DDX10: variants seen among roughly 807,000 people sequenced by gnomAD.
DDX10 encodes the protein DEAD-box helicase 10.
A neutral mutation model predicts 104.3 loss-of-function variants in DDX10; 74 were observed. The observed-to-expected ratio is 0.71, with a 90% CI of 0.59 to 0.86. The LOEUF is 0.86. Ranked by LOEUF, DDX10 falls within the 40% of genes least tolerant of loss-of-function variation. The probability of loss-of-function intolerance (pLI) is 0.00; values close to 1 mark genes in which losing one functional copy is unlikely to be tolerated. For missense variants in DDX10, 952 were observed against 1,040.0 expected (o/e 0.92, Z 1.16); for synonymous variants, 351 against 353.4 (o/e 0.99, Z 0.08).
chr11:108,933,665 A>C (rs1023979314), intron 17 of DDX10, among the ~76,000 whole-genome samples: 1 of 152,094 alleles, frequency 6.6e-6, no homozygotes, highest in Non-Finnish European at 1.5e-5. Flanking sequence ...TTTAATTTTC[A>C]CTGTGGCTTT....
chr11:108,783,727 C>T (rs1861744390), intron 13 of DDX10, among the ~76,000 whole-genome samples: 2 of 152,242 alleles, frequency 1.3e-5, no homozygotes, highest in African/African-American at 4.8e-5. Context: ...AGGTTTGTTA[C>T]ATGGCTGTAT....
At chr11:108,930,704 T>C (rs1406900241) in intron 17 of DDX10, among the ~76,000 whole-genome samples, 4 of 152,192 alleles carry the variant, frequency 2.6e-5, no homozygotes, top group Non-Finnish European at 5.9e-5. Flanking sequence ...ATAATTTCTG[T>C]AGTTTAAAGA....
chr11:108,800,330 A>T (rs1437414815), intron 13 of DDX10, among the ~76,000 whole-genome samples: 1 of 148,562 alleles, frequency 6.7e-6, no homozygotes, highest in Non-Finnish European at 1.5e-5. Flanking sequence ...CTGTAGTCCC[A>T]GCTACTTGGG....
intron 13 of DDX10, among the ~76,000 whole-genome samples, chr11:108,812,859 G>T (rs538268436): frequency 6.6e-6 from 1 of 151,564 alleles, no homozygotes; most frequent in African/African-American, 2.4e-5. Context: ...GCACATGTCT[G>T]TAATCCCAGC....
intron 14 of DDX10, 45 bp downstream of exon 14, chr11:108,838,610 T>G: frequency 4.5e-6 from 7 of 1,564,892 alleles, no homozygotes; most frequent in Non-Finnish European, 6.1e-6. Context: ...ATTTGGAGTA[T>G]TAGAAGAGAT....
At chr11:108,939,122 A>G (rs75275175) in intron 17 of DDX10, among the ~76,000 whole-genome samples, 318 of 152,356 alleles carry the variant, frequency 2.1e-3, no homozygotes, top group Non-Finnish European at 3.3e-3. Context: ...AGTAAATTAT[A>G]TAATCCCTGT....
chr11:108,833,718 C>T (rs193045821), intron 13 of DDX10, among the ~76,000 whole-genome samples: 7 of 152,318 alleles, frequency 4.6e-5, no homozygotes, highest in Admixed American at 1.3e-4. Context: ...AGCTCTTCAA[C>T]TTGACCACCT....
intron 16 of DDX10, among the ~76,000 whole-genome samples, chr11:108,916,608 A>G (rs142039546): frequency 6.9e-4 from 105 of 152,322 alleles, no homozygotes; most frequent in African/African-American, 2.4e-3. Context: ...AATCAAAAGA[A>G]TCAAAGAATC....
intron 17 of DDX10, among the ~76,000 whole-genome samples, chr11:108,930,899 G>T (rs751871355): frequency 1.3e-5 from 2 of 152,122 alleles, no homozygotes; most frequent in Non-Finnish European, 2.9e-5. Flanking sequence ...CAAAGTGAAG[G>T]TTCTTACCTG....
chr11:108,837,169 A>T (rs1862566654), intron 13 of DDX10, among the ~76,000 whole-genome samples: 1 of 152,226 alleles, frequency 6.6e-6, no homozygotes, highest in Non-Finnish European at 1.5e-5. Flanking sequence ...CAATAACTGT[A>T]TGAGGTAGAT....
chr11:108,678,038 T>A (rs982211032), intron 4 of DDX10, among the ~76,000 whole-genome samples: 2 of 152,154 alleles, frequency 1.3e-5, no homozygotes, highest in African/African-American at 2.4e-5. Context: ...AAATCCTGAC[T>A]TGGAGTATTC....
At chr11:108,784,482 T>TA (rs766345943) in intron 13 of DDX10, among the ~76,000 whole-genome samples, 23 of 152,138 alleles carry the variant, frequency 1.5e-4, no homozygotes, top group Non-Finnish European at 2.9e-4. Context: ...GTCCTGGGCT[T>TA]AAGTGATCCT....
intron 8 of DDX10, 40 bp downstream of exon 8, chr11:108,692,078 G>A (rs1422418704): frequency 1.9e-6 from 3 of 1,542,558 alleles, no homozygotes; most frequent in East Asian, 2.3e-5. Flanking sequence ...GTGATTGTGT[G>A]AAATGTAATT....
At chr11:108,677,311 A>G (rs1672551102) in intron 4 of DDX10, 68 bp downstream of exon 4, 2 of 1,420,658 alleles carry the variant, frequency 1.4e-6, no homozygotes, top group Non-Finnish European at 1.9e-6. Flanking sequence ...GGCCGATGAC[A>G]GGGAGGCAGC....
chr11:108,687,320 T>A (rs966875551), intron 6 of DDX10, among the ~76,000 whole-genome samples: 1 of 152,140 alleles, frequency 6.6e-6, no homozygotes, highest in Non-Finnish European at 1.5e-5. Context: ...GTTTTTTATT[T>A]TTTTGAGACA....
At chr11:108,750,817 G>A (rs1345614437) in intron 13 of DDX10, among the ~76,000 whole-genome samples, 1 of 150,070 alleles carries the variant, frequency 6.7e-6, no homozygotes, top group Non-Finnish European at 1.5e-5. Context: ...GAGTACAGTG[G>A]CACAGTTATA....
At chr11:108,687,698 T>C (rs759157596) in intron 6 of DDX10, among the ~76,000 whole-genome samples, 2 of 152,228 alleles carry the variant, frequency 1.3e-5, no homozygotes, top group Non-Finnish European at 2.9e-5. Flanking sequence ...TCAGATGTTT[T>C]TTGCAAATAT....
intron 16 of DDX10, among the ~76,000 whole-genome samples, chr11:108,880,448 G>A (rs186437791): frequency 6.6e-6 from 1 of 152,280 alleles, no homozygotes; most frequent in East Asian, 1.9e-4. Flanking sequence ...ATTGCCTTAT[G>A]TGTTGGATAT....
intron 13 of DDX10, among the ~76,000 whole-genome samples, chr11:108,811,406 A>C (rs1045106096): frequency 3.3e-5 from 5 of 152,320 alleles, no homozygotes; most frequent in African/African-American, 1.2e-4. Context: ...GGCACAGGTA[A>C]GGAAGGATAC....
Sources: allele counts gnomAD v4.1 joint callset (sites outside exome capture counted in the v4.1 genomes callset), GRCh38; gene constraint gnomAD v4.1.1; transcripts MANE v1.5; gene names NCBI Gene and HGNC (gene_info 2026-07-23, HGNC 2026-07-21).